The following ZNHIT6 variants were observed in gnomAD, a reference collection of about 807,000 sequenced individuals.
ZNHIT6 encodes the protein zinc finger HIT-type containing 6.
Under a neutral mutation model 57.2 loss-of-function variants are expected in ZNHIT6, and 45 were observed. The observed-to-expected ratio is 0.79, with a 90% CI of 0.62 to 1.01. The LOEUF is 1.01. ZNHIT6 is among the 50% of genes least tolerant of loss of function. ZNHIT6 has a pLI of 0.00. For missense variants in ZNHIT6, 528 were observed against 567.3 expected (o/e 0.93, Z 0.70); for synonymous variants, 188 against 190.0 (o/e 0.99, Z 0.09).
intron 1 of ZNHIT6, among the ~76,000 whole-genome samples, chr1:85,707,336 A>C (rs1662712573): frequency 6.6e-6 from 1 of 152,200 alleles, no homozygotes; most frequent in African/African-American, 2.4e-5. Flanking sequence ...ATATTAAGTC[A>C]AGCCAGATCC....
intron 5 of ZNHIT6, among the ~76,000 whole-genome samples, chr1:85,685,848 C>T (rs1170065502): frequency 6.6e-6 from 1 of 152,014 alleles, no homozygotes; most frequent in African/African-American, 2.4e-5. Flanking sequence ...TGTGAGCCAC[C>T]GTACCTGGCT....
At chr1:85,657,993 A>G (rs1661109423) in intron 8 of ZNHIT6, 22 bp from the exon 9 acceptor site, 2 of 1,390,334 alleles carry the variant, frequency 1.4e-6, no homozygotes, top group South Asian at 2.7e-5. Flanking sequence ...AAAAAAACAA[A>G]AAACCAGGAA....
chr1:85,689,200 T>C (rs1662146829), intron 5 of ZNHIT6, among the ~76,000 whole-genome samples: 2 of 152,158 alleles, frequency 1.3e-5, no homozygotes, highest in South Asian at 2.1e-4. Flanking sequence ...TGAAAGAAAA[T>C]ATAACAAATT....
chr1:85,657,815 T>C (rs890473531), intron 9 of ZNHIT6, 32 bp downstream of exon 9: 14 of 1,599,356 alleles, frequency 8.8e-6, no homozygotes, highest in Admixed American at 8.7e-5. Context: ...CTAAAGCTAT[T>C]CTAAGCATTA....
At chr1:85,668,075 C>T (rs1295152889) in intron 8 of ZNHIT6, among the ~76,000 whole-genome samples, 2 of 146,110 alleles carry the variant, frequency 1.4e-5, no homozygotes, top group African/African-American at 5.1e-5. Flanking sequence ...ATGTTTATAC[C>T]TGACCTTCTC....
chr1:85,650,452 C>T lies in ZNHIT6; in HGVS notation c.*3606G>A, dbSNP rs1406034953. On this transcript the variant is annotated 3_prime_UTR_variant, in exon 10 of 10. Transcript: ENST00000370574. ...TTGCCTGGACTTCCCTGTATATAAG[C>T]CAATGAACTGCCCTTCATGCTGACA... 1 of 152,200 alleles carries T rather than the reference C, an allele frequency of 6.6e-6. No individual in the cohort carries two copies. Among genetic ancestry groups the T allele is most frequent in the Non-Finnish European group, 1.5e-5 (1 of 68,042 alleles). The allele number at this position is 152,200 out of a possible 1,614,324, so 9.4% of individuals were successfully genotyped here. A position where few individuals can be genotyped will look rare whatever the true frequency, so the allele number is the denominator to read the frequency against.
intron 8 of ZNHIT6, among the ~76,000 whole-genome samples, chr1:85,659,702 G>A (rs1661171990): frequency 6.6e-6 from 1 of 152,186 alleles, no homozygotes; most frequent in Non-Finnish European, 1.5e-5. Flanking sequence ...ATTAAGAAAT[G>A]TGATGTAGTG....
At position 85,708,325 on chromosome 1, in the gene ZNHIT6, A is replaced by G. The variant is rs1480735426; in HGVS notation, c.-41T>C. 1.3e-5 allele frequency: 20 copies of G among 1,551,826 alleles called. No individual in the cohort carries two copies. The highest frequency in any genetic ancestry group is 1.8e-5 in the Admixed American group (1 of 56,278). On this transcript the variant is annotated 5_prime_UTR_variant, in exon 1 of 10. Transcript: ENST00000370574. ...GGCCTCTGCTGCCACTCTATCCTTC[A>G]ATGTGGCTGCTGCACACCAATAGGA...
intron 8 of ZNHIT6, among the ~76,000 whole-genome samples, chr1:85,667,961 A>AAAAAAAAAAAAAAAATATATATATATAT: frequency 5.5e-5 from 1 of 18,196 alleles, no homozygotes; most frequent in African/African-American, 2.1e-4. Flanking sequence ...AAAAAAAAAA[A>AAAAAAAAAAAAAAAATATATATATATAT]ATATATATAT....
chr1:85,673,259 A>G (rs1343552369), intron 8 of ZNHIT6, among the ~76,000 whole-genome samples: 1 of 152,214 alleles, frequency 6.6e-6, no homozygotes, highest in Non-Finnish European at 1.5e-5. Context: ...TGCTGAATGA[A>G]TAAGTGAATT....
At chr1:85,702,504 A>T (rs1662565331) in intron 4 of ZNHIT6, among the ~76,000 whole-genome samples, 1 of 152,326 alleles carries the variant, frequency 6.6e-6, no homozygotes, top group South Asian at 2.1e-4. Flanking sequence ...TAGAACCTGT[A>T]TTCAAACCCT....
chr1:85,691,795 A>G (rs1481351613), intron 5 of ZNHIT6, among the ~76,000 whole-genome samples: 1 of 152,162 alleles, frequency 6.6e-6, no homozygotes, highest in African/African-American at 2.4e-5. Context: ...CGGACGCACA[A>G]GAATCATTTG....
chr1:85,679,119 TAATA>T (rs1335403058), intron 6 of ZNHIT6, among the ~76,000 whole-genome samples: 2 of 152,088 alleles, frequency 1.3e-5, no homozygotes, highest in Admixed American at 6.5e-5. Flanking sequence ...CTAGCAGAAA[TAATA>T]AATCTGAAAA....
In ZNHIT6 at chr1:85,649,979, G is replaced by A. The variant is rs139710627; in HGVS notation, c.*4079C>T. The A allele has an allele frequency of 9.6e-4, 146 of 152,294 alleles. No homozygotes were observed. Among genetic ancestry groups the A allele is most frequent in the African/African-American group, 3.3e-3 (137 of 41,582 alleles). The allele number at this position is 152,294 out of a possible 1,614,324, so 9.4% of individuals were successfully genotyped here. On this transcript the variant is annotated 3_prime_UTR_variant, in exon 10 of 10. Transcript: ENST00000370574. ...ATTAAATCTGAACTTTACTCCTTCT[G>A]TTAGTACAAATCAGAAACTTCTTGC...
chr1:85,691,063 T>G (rs779629420), intron 5 of ZNHIT6, among the ~76,000 whole-genome samples: 1 of 152,116 alleles, frequency 6.6e-6, no homozygotes, highest in African/African-American at 2.4e-5. Flanking sequence ...CGGGTATCTA[T>G]TCTGCATTTT....
chr1:85,694,511 G>C (rs953273565), intron 5 of ZNHIT6, among the ~76,000 whole-genome samples: 7 of 151,800 alleles, frequency 4.6e-5, no homozygotes, highest in Middle Eastern at 6.3e-3. Context: ...ACCCAGGTTG[G>C]AGTGCAGTTG....
chr1:85,680,963 T>C (rs773277337), intron 5 of ZNHIT6, 59 bp from the exon 6 acceptor site: 457 of 1,293,852 alleles, frequency 3.5e-4, no homozygotes, highest in Middle Eastern at 9.3e-4. Flanking sequence ...TGGATGCAAA[T>C]TGAACTTTCT....
intron 5 of ZNHIT6, among the ~76,000 whole-genome samples, chr1:85,687,307 A>AAAAAAC (rs1557861217): frequency 1.4e-5 from 2 of 145,650 alleles, no homozygotes; most frequent in Admixed American, 6.9e-5. Context: ...AACAAAAAAA[A>AAAAAAC]AAAACAATTT....
At chr1:85,656,423 T>G (rs547352089) in intron 9 of ZNHIT6, among the ~76,000 whole-genome samples, 1 of 152,286 alleles carries the variant, frequency 6.6e-6, no homozygotes, top group East Asian at 1.9e-4. Flanking sequence ...TAGTCTTTTC[T>G]TATTGCTTCA....
Sources: allele counts gnomAD v4.1 joint callset (sites outside exome capture counted in the v4.1 genomes callset), GRCh38; gene constraint gnomAD v4.1.1; transcripts MANE v1.5; gene names NCBI Gene and HGNC (gene_info 2026-07-23, HGNC 2026-07-21).